Variants in FAM120AOS observed in about 807,000 individuals in gnomAD.
FAM120AOS encodes the protein family with sequence similarity 120 member A opposite strand, also known as uncharacterized protein FAM120AOS.
Under a neutral mutation model 20.2 loss-of-function variants are expected in FAM120AOS, and 15 were observed. That is an observed-to-expected ratio of 0.74 (90% CI 0.50 to 1.15). The LOEUF is 1.15. Among genes scored for constraint, FAM120AOS ranks in the 50% most tolerant of loss-of-function variants. The pLI is 0.00. For missense variants in FAM120AOS, 327 were observed against 351.9 expected (o/e 0.93, Z 0.57); for synonymous variants, 154 against 154.0 (o/e 1.00, Z 0.00).
Position 93,450,492 on chromosome 9 carries a change from A to C in FAM120AOS, c.671T>G (p.Leu224Arg), listed in dbSNP as rs1857086924. ...AHGLAKEAPI[L>R]PVKKISRSCS... The stretch of plus-strand genomic sequence containing the variant: ...AATCCAACTTGCCTTTTTCACCGGG[A>C]GTATGGGGGCTTCTTTGGCCAAACC... The change falls in exon 2 of 3, where the codon CTC (leucine) becomes CGC (arginine). Residue 224 changes from leucine to arginine, a missense_variant. Coordinates refer to ENST00000375412, the MANE Select transcript of FAM120AOS (RefSeq NM_198841.4). The C allele has an allele frequency of 1.3e-6, 2 of 1,578,284 alleles. No homozygotes were observed. Among genetic ancestry groups the C allele is most frequent in the Admixed American group, 3.9e-5 (2 of 51,166 alleles).
At position 93,451,026 on chromosome 9, in the gene FAM120AOS, C is replaced by T. The variant is rs1857139903; in HGVS notation, c.564-427G>A. 2.6e-6 allele frequency: 4 copies of T among 1,548,858 alleles called. No homozygotes were observed. The South Asian group carries it at 4.8e-5, about 18-fold the overall frequency. ...CTTCAGACATTATGGTGTGTTTGGC[C>T]ATGTCATTTGTCATAGGTGTAAAAA... On this transcript the variant is annotated intron_variant, in intron 1 of 2. Transcript: ENST00000375412.
In FAM120AOS at chr9:93,447,303, T is replaced by TGGCC; in HGVS notation, c.*307_*308insGGCC. 3.6e-6 allele frequency: 1 copy of TGGCC among 277,042 alleles called. No homozygotes were observed. Among genetic ancestry groups the TGGCC allele is most frequent in the Non-Finnish European group, 6.9e-6 (1 of 145,094 alleles). 17.2% of individuals were successfully genotyped at this position (277,042 alleles called of 1,614,324 possible). A position where few individuals can be genotyped will look rare whatever the true frequency, so the allele number is the denominator to read the frequency against. ...GAAGAAGGGTTATGTTTTCTTCATC[T>TGGCC]CCATATCCCCAGTAGCTGGCCAATG... On this transcript the variant is annotated 3_prime_UTR_variant, in exon 3 of 3. Coordinates refer to ENST00000375412, the MANE Select transcript of FAM120AOS (RefSeq NM_198841.4).
intron 1 of FAM120AOS, chr9:93,450,875 C>T: frequency 1.1e-6 from 1 of 942,672 alleles, no homozygotes; most frequent in Non-Finnish European, 1.7e-6. Context: ...GGGAGATCCA[C>T]TGCAAAGGCG....
In FAM120AOS at chr9:93,446,691, G is replaced by A. The variant is rs1033527031; in HGVS notation, c.*920C>T. ...AGCTCTCACTGCCCACCCTGCTTGA[G>A]AAGCCTCTTGGAGTTGCCTAGAGAG... On this transcript the variant is annotated 3_prime_UTR_variant, in exon 3 of 3. Coordinates refer to ENST00000375412, the MANE Select transcript of FAM120AOS (RefSeq NM_198841.4). The A allele has an allele frequency of 1.3e-5, 2 of 152,132 alleles. No individual in the cohort carries two copies. Among genetic ancestry groups the A allele is most frequent in the African/African-American group, 4.8e-5 (2 of 41,434 alleles). The allele number at this position is 152,132 out of a possible 1,614,324, so 9.4% of individuals were successfully genotyped here.
At position 93,452,384 on chromosome 9, in the gene FAM120AOS, G is replaced by A. The variant is rs755946786; in HGVS notation, c.326C>T (p.Thr109Met). 5 of 1,607,290 alleles carry A rather than the reference G, an allele frequency of 3.1e-6. 1 individual carries two copies. Among genetic ancestry groups the A allele is most frequent in the South Asian group, 2.2e-5 (2 of 90,014 alleles). ...RPARIPGLTL[T>M]WKRMSARRMQ... ...CCGCCTGGCGCTCATCCGCTTCCACGTCAAGGTGAGGCCGGGGATCCGGGC... is the reference window on the plus strand; with the variant it reads ...CCGCCTGGCGCTCATCCGCTTCCACATCAAGGTGAGGCCGGGGATCCGGGC... The change falls in exon 1 of 3, where the codon ACG becomes ATG. Residue 109 changes from threonine to methionine, a missense_variant. By Grantham distance (81) the Thr-to-Met change is moderately conservative. This residue lies in a region of FAM120AOS where 86 missense variants were observed against 140.2 expected (regional missense o/e 0.61). Coordinates refer to ENST00000375412, the MANE Select transcript of FAM120AOS (RefSeq NM_198841.4). The surrounding 1 kb of genome is among the most constrained non-coding windows in gnomAD (Gnocchi z 7.0).
intron 1 of FAM120AOS, chr9:93,451,076 T>G: frequency 6.4e-7 from 1 of 1,550,580 alleles, no homozygotes; most frequent in Non-Finnish European, 8.7e-7. Flanking sequence ...CCGAAGCTGC[T>G]GGGATGAGCA....
Position 93,450,459 on chromosome 9 carries a change from A to T in FAM120AOS, c.684+20T>A. ...ATTTGAGGTGGGTATCAGAAAAGAA[A>T]GCAGAAAAATCCAACTTGCCTTTTT... is the stretch of plus-strand genomic sequence containing the variant. On this transcript the variant is annotated intron_variant, in intron 2 of 2. Coordinates refer to ENST00000375412, the MANE Select transcript of FAM120AOS (RefSeq NM_198841.4). The T allele has an allele frequency of 6.5e-7, 1 of 1,547,504 alleles. No homozygotes were observed. The highest frequency in any genetic ancestry group is 1.4e-5 in the African/African-American group (1 of 72,248).
chr9:93,451,099 C>A, intron 1 of FAM120AOS: 1 of 1,550,652 alleles, frequency 6.4e-7, no homozygotes, highest in Non-Finnish European at 8.7e-7. Context: ...TGCCGCGGAA[C>A]TGCATTCTCG....
At chr9:93,447,784 T>TCTCTGTGGAG in intron 2 of FAM120AOS, 87 bp from the exon 3 acceptor site, 1 of 1,165,790 alleles carries the variant, frequency 8.6e-7, no homozygotes, top group Non-Finnish European at 1.3e-6. Flanking sequence ...CGAATATTGA[T>TCTCTGTGGAG]CTCTGTGGAG....
chr9:93,450,583 C>CTCCT lies in FAM120AOS; in HGVS notation c.576_579dup (p.Ala194ArgfsTer45). ...GCCACAGCCTGTCGGTTGCATCCTG[C>CTCCT]TCCTCTACAGAGGTTTCTCCAAAAA... is the stretch of plus-strand genomic sequence containing the variant. On this transcript the variant is annotated frameshift_variant, in exon 2 of 3. Coordinates refer to ENST00000375412, the MANE Select transcript of FAM120AOS (RefSeq NM_198841.4). LOFTEE classifies it high-confidence loss of function. 6.2e-7 allele frequency: 1 copy of CTCCT among 1,606,690 alleles called. No homozygotes were observed. Among genetic ancestry groups the CTCCT allele is most frequent in the Non-Finnish European group, 8.5e-7 (1 of 1,176,618 alleles).
At position 93,450,497 on chromosome 9, in the gene FAM120AOS, G is replaced by A; in HGVS notation, c.666C>T (p.Pro222=). The change falls in exon 2 of 3, where the codon CCC becomes CCT. Residue 222 remains proline, a synonymous_variant. Transcript: ENST00000375412. ...AACTTGCCTTTTTCACCGGGAGTAT[G>A]GGGGCTTCTTTGGCCAAACCGTGCG... is the stretch of plus-strand genomic sequence containing the variant. ...LHAHGLAKEA[P]ILPVKKISRS... is the part of the protein sequence containing the mutation. 2 of 1,585,506 alleles carry A rather than the reference G, an allele frequency of 1.3e-6. No homozygotes were observed. The highest frequency in any genetic ancestry group is 1.2e-5 in the South Asian group (1 of 86,540).
chr9:93,451,204 G>T (rs1250386651), intron 1 of FAM120AOS: 3 of 1,531,538 alleles, frequency 2.0e-6, no homozygotes. Context: ...GGCCCAGAGT[G>T]GTGCGAGCCG....
At chr9:93,450,364 G>C in intron 2 of FAM120AOS, 115 bp downstream of exon 2, 1 of 1,442,730 alleles carries the variant, frequency 6.9e-7, no homozygotes, top group Non-Finnish European at 9.3e-7. Flanking sequence ...TAACTTGTCA[G>C]CCTGCTTTTA....
At position 93,452,929 on chromosome 9, in the gene FAM120AOS, T is replaced by C. The variant is rs1159327077; in HGVS notation, c.-220A>G. 8.5e-6 allele frequency: 12 copies of C among 1,417,238 alleles called. No individual in the cohort carries two copies. Among genetic ancestry groups the C allele is most frequent in the African/African-American group, 2.9e-5 (2 of 68,986 alleles). The allele number at this position is 1,417,238 out of a possible 1,614,324, so 87.8% of individuals were successfully genotyped here. A position where few individuals can be genotyped will look rare whatever the true frequency, so the allele number is the denominator to read the frequency against. On this transcript the variant is annotated 5_prime_UTR_variant, in exon 1 of 3. Coordinates refer to ENST00000375412, the MANE Select transcript of FAM120AOS (RefSeq NM_198841.4). This position sits in a 1 kb window ranked among gnomAD's most constrained non-coding sequence, Gnocchi z 7.0. ...TAGCCCGGTGACAGCGAGACGTGTCTAAGGGCCAGTGCCCTGGCCTCTACT... is the reference window on the plus strand; with the variant it reads ...TAGCCCGGTGACAGCGAGACGTGTCCAAGGGCCAGTGCCCTGGCCTCTACT...
At chr9:93,450,893 C>CTAGGCGCAATGGA in intron 1 of FAM120AOS, 1 of 987,752 alleles carries the variant, frequency 1.0e-6, no homozygotes, top group Non-Finnish European at 1.6e-6. Context: ...GCGCACGTTT[C>CTAGGCGCAATGGA]AGTCTAGCCA....
chr9:93,450,426 T>G (rs1278983945), intron 2 of FAM120AOS, 53 bp downstream of exon 2: 9 of 1,525,814 alleles, frequency 5.9e-6, no homozygotes, highest in Non-Finnish European at 4.4e-6. Flanking sequence ...CGTATGATAC[T>G]GGCTTGCATT....
Position 93,443,987 on chromosome 9 carries a change from C to T in FAM120AOS, c.*3624G>A, listed in dbSNP as rs1374399525. 6.6e-6 allele frequency among the ~76,000 whole-genome samples: 1 copy of T among 152,132 alleles called. No homozygotes were observed. The highest frequency in any genetic ancestry group is 6.5e-5 in the Admixed American group (1 of 15,268). On this transcript the variant is annotated 3_prime_UTR_variant, in exon 3 of 3. Transcript: ENST00000375412. ...CTTCAGACCATAGGGTCATTTTTTC[C>T]TGCTCCTCTGGCTGGAAAGACAGGT...
chr9:93,447,547 C>G lies in FAM120AOS; in HGVS notation c.*64G>C. On this transcript the variant is annotated 3_prime_UTR_variant, in exon 3 of 3. Coordinates refer to ENST00000375412, the MANE Select transcript of FAM120AOS (RefSeq NM_198841.4). Reference sequence around the variant, plus strand: ...ATGGTGAATAGAGCATTTTCCCTCACACGATGGGTATCAGGGTGGTTTCTT... The same window carrying G: ...ATGGTGAATAGAGCATTTTCCCTCAGACGATGGGTATCAGGGTGGTTTCTT... The G allele has an allele frequency of 7.2e-7, 1 of 1,386,900 alleles. No individual in the cohort carries two copies. Among genetic ancestry groups the G allele is most frequent in the East Asian group, 2.3e-5 (1 of 43,728 alleles). 85.9% of individuals were successfully genotyped at this position (1,386,900 alleles called of 1,614,324 possible). A position where few individuals can be genotyped will look rare whatever the true frequency, so the allele number is the denominator to read the frequency against.
At chr9:93,451,668 T>C in intron 1 of FAM120AOS, 2 of 954,284 alleles carry the variant, frequency 2.1e-6, no homozygotes, top group Non-Finnish European at 2.4e-6. Flanking sequence ...GCCCCGGCCC[T>C]CAGCCTCGGC....
Sources: allele counts gnomAD v4.1 joint callset (sites outside exome capture counted in the v4.1 genomes callset), GRCh38; gene constraint gnomAD v4.1.1; regional missense constraint gnomAD v4.1.1; non-coding constraint Gnocchi (gnomAD v3.1); transcripts MANE v1.5; gene names NCBI Gene and HGNC (gene_info 2026-07-23, HGNC 2026-07-21).